The following LCP2 variants were observed in gnomAD, a reference collection of about 807,000 sequenced individuals.
LCP2 encodes the protein 76 kDa tyrosine phosphoprotein.
LCP2 carries 29 observed loss-of-function variants against 74.5 expected under a neutral mutation model. The ratio of observed to expected loss-of-function variants is 0.39; its 90% CI spans 0.29 to 0.53. The LOEUF (loss-of-function observed/expected upper bound fraction) is 0.53. Among genes scored for constraint, LCP2 ranks in the 20% least tolerant of loss-of-function variants. The pLI, the probability that LCP2 is intolerant of heterozygous loss-of-function variation, is 0.72. For synonymous variants in LCP2, 228 were observed against 229.5 expected, an observed-to-expected ratio of 0.99 and a Z score of 0.06; for missense variants, 604 against 634.6, an observed-to-expected ratio of 0.95 and a Z score of 0.52.
chr5:170,252,006 T>C lies in LCP2; in HGVS notation c.1323+428A>G, dbSNP rs934563889. 4.0e-5 allele frequency: 8 copies of C among 200,066 alleles called. No individual in the cohort carries two copies. In the East Asian group the frequency reaches 8.5e-4, roughly 21 times the overall value. The allele number at this position is 200,066 out of a possible 1,614,324, so 12.4% of individuals were successfully genotyped here. A position where few individuals can be genotyped will look rare whatever the true frequency, so the allele number is the denominator to read the frequency against. ...TATTAAAGGACTAGCTAGAAACGTC[T>C]AGGGCAAAAAGCAAAAAGTTGCTGC... On this transcript the variant is annotated intron_variant, in intron 19 of 20. Transcript: ENST00000046794.
rs370362754 is a variant in LCP2, at chr5:170,263,071, C to G, written c.773-79G>C. 93 of 1,522,920 alleles carry G rather than the reference C, an allele frequency of 6.1e-5. 1 individual carries two copies. The highest frequency in any genetic ancestry group is 4.7e-4 in the South Asian group (40 of 85,648). The allele number at this position is 1,522,920 out of a possible 1,614,324, so 94.3% of individuals were successfully genotyped here. A position where few individuals can be genotyped will look rare whatever the true frequency, so the allele number is the denominator to read the frequency against. ...GGTTTAAAAACACAGTTTGATGAAA[C>G]TATGAGTCTGAACCCTCTTGGGGGT... is the stretch of plus-strand genomic sequence containing the variant. On this transcript the variant is annotated intron_variant, in intron 10 of 20. Transcript: ENST00000046794.
chr5:170,271,511 T>C (rs954738160), intron 6 of LCP2, among the ~76,000 whole-genome samples: 5 of 152,178 alleles, frequency 3.3e-5, no homozygotes, highest in African/African-American at 9.6e-5. Flanking sequence ...ACACATCCAT[T>C]ATTCATGAAA....
At chr5:170,258,749 A>T (rs1761604229) in intron 15 of LCP2, 117 bp downstream of exon 15, 3 of 669,680 alleles carry the variant, frequency 4.5e-6, no homozygotes, top group South Asian at 4.1e-5. Flanking sequence ...CTTAATACTA[A>T]TTTAAGACTT....
chr5:170,267,851 C>T (rs975187284), intron 8 of LCP2, among the ~76,000 whole-genome samples: 2 of 152,282 alleles, frequency 1.3e-5, no homozygotes, highest in South Asian at 2.1e-4. Context: ...AAGCAATATA[C>T]ATCTGTAGAT....
At chr5:170,251,031 G>A (rs537106170) in intron 19 of LCP2, 146 bp from the exon 20 acceptor site, 5 of 610,218 alleles carry the variant, frequency 8.2e-6, no homozygotes, top group African/African-American at 3.7e-5. Context: ...GTCATTCAAC[G>A]AACATTCAGT....
chr5:170,279,842 C>CCCACACTTGA (rs1177498139), intron 3 of LCP2, among the ~76,000 whole-genome samples: 1 of 152,052 alleles, frequency 6.6e-6, no homozygotes, highest in Non-Finnish European at 1.5e-5. Context: ...TTTAATTCTC[C>CCCACACTTGA]CCACACTTGA....
intron 18 of LCP2, 35 bp downstream of exon 18, chr5:170,253,084 G>C (rs1435693506): frequency 7.3e-7 from 1 of 1,373,766 alleles, no homozygotes; most frequent in South Asian, 1.2e-5. Context: ...CCAGGGAAAA[G>C]GCAAACAAAC....
chr5:170,294,757 T>TG (rs937727199), intron 1 of LCP2, among the ~76,000 whole-genome samples: 9 of 152,132 alleles, frequency 5.9e-5, no homozygotes, highest in Non-Finnish European at 1.2e-4. Flanking sequence ...CTACAGGCAG[T>TG]GGGGGGTAAG....
At chr5:170,291,136 G>T (rs1334450295) in intron 2 of LCP2, among the ~76,000 whole-genome samples, 3 of 117,322 alleles carry the variant, frequency 2.6e-5, no homozygotes, top group African/African-American at 9.1e-5. Context: ...GAGAGGGGAG[G>T]ACAAGGGAAG....
intron 1 of LCP2, among the ~76,000 whole-genome samples, chr5:170,295,027 G>C (rs544744127): frequency 6.6e-6 from 1 of 152,318 alleles, no homozygotes; most frequent in East Asian, 1.9e-4. Context: ...ACCTGGATTT[G>C]TAGTAAGGAA....
chr5:170,262,553 G>C lies in LCP2; in HGVS notation c.926+82C>G, dbSNP rs990954336. The C allele has an allele frequency of 6.8e-6, 7 of 1,021,936 alleles. No individual in the cohort carries two copies. In the South Asian group the frequency reaches 1.1e-4, roughly 16 times the overall value. 63.3% of individuals were successfully genotyped at this position (1,021,936 alleles called of 1,614,324 possible). A position where few individuals can be genotyped will look rare whatever the true frequency, so the allele number is the denominator to read the frequency against. On this transcript the variant is annotated intron_variant, in intron 13 of 20. Coordinates refer to ENST00000046794, the MANE Select transcript of LCP2 (RefSeq NM_005565.5). Reference sequence around the variant, plus strand: ...CTGCCCGGGAGCACCGAGGAGCCTCGGTTCCCACTGCAGAGTCAGCACAGG... The same window carrying C: ...CTGCCCGGGAGCACCGAGGAGCCTCCGTTCCCACTGCAGAGTCAGCACAGG...
At position 170,270,801 on chromosome 5, in the gene LCP2, C is replaced by T. The variant is rs369364060; in HGVS notation, c.441G>A (p.Pro147=). The change falls in exon 7 of 21, where the codon CCG becomes CCA. Residue 147 remains proline (P), a synonymous_variant. Transcript: ENST00000046794. The part of the protein sequence containing the change: ...APVEDDADYE[P]PPSNDEEALQ... ...GAGCTTCCTCGTCATTGGAGGGTGG[C>T]GGCTCATAATCCGCGTCATCTTCCA... 41 of 1,610,948 alleles carry T rather than the reference C, an allele frequency of 2.5e-5. No individual in the cohort carries two copies. The African/African-American group carries it at 4.0e-4, about 16-fold the overall frequency.
intron 2 of LCP2, among the ~76,000 whole-genome samples, chr5:170,289,947 TGAGG>T (rs1475924791): frequency 6.6e-6 from 1 of 151,922 alleles, no homozygotes; most frequent in Non-Finnish European, 1.5e-5. Flanking sequence ...GGGCGTAAGC[TGAGG>T]GAATTTCAGG....
intron 3 of LCP2, among the ~76,000 whole-genome samples, chr5:170,284,681 C>T (rs1259892078): frequency 6.6e-6 from 1 of 151,694 alleles, no homozygotes; most frequent in African/African-American, 2.4e-5. Flanking sequence ...CTCACATACA[C>T]ATTCTTTCCT....
rs997760652 is a variant in LCP2 at position 170,270,009 on chromosome 5, G to C, written c.523+710C>G. Among the ~76,000 whole-genome samples, 13 of 152,178 alleles carry C rather than the reference G, an allele frequency of 8.5e-5. No homozygotes were observed. In the South Asian group the frequency reaches 1.7e-3, roughly 19 times the overall value. On this transcript the variant is annotated intron_variant, in intron 7 of 20. Coordinates refer to ENST00000046794, the MANE Select transcript of LCP2 (RefSeq NM_005565.5). Reference sequence around the variant, plus strand: ...AATGGTATTCGTTTTTTGTGGTACTGACCTTCAATTTTCAGCGTACTCTCT... The same window carrying C: ...AATGGTATTCGTTTTTTGTGGTACTCACCTTCAATTTTCAGCGTACTCTCT...
intron 16 of LCP2, 30 bp downstream of exon 16, chr5:170,258,007 A>G: frequency 6.2e-7 from 1 of 1,609,430 alleles, no homozygotes; most frequent in South Asian, 1.1e-5. Context: ...ACATTATATT[A>G]AGCTAGAATT....
chr5:170,296,615 G>A (rs191656086), intron 1 of LCP2, among the ~76,000 whole-genome samples: 58 of 152,322 alleles, frequency 3.8e-4, no homozygotes, highest in African/African-American at 1.3e-3. Context: ...AAGCTTAACC[G>A]TCTCGCACAA....
chr5:170,262,594 G>A lies in LCP2; in HGVS notation c.926+41C>T, dbSNP rs1277838090. The stretch of plus-strand genomic sequence containing the variant: ...TCAGCACAGGGCAGCCTGTCTGCCG[G>A]CCACTGTGAGTGACAAGCTCAAGCA... On this transcript the variant is annotated intron_variant, in intron 13 of 20. Coordinates refer to ENST00000046794, the MANE Select transcript of LCP2 (RefSeq NM_005565.5). 2.7e-6 allele frequency: 4 copies of A among 1,470,196 alleles called. No individual in the cohort carries two copies. The Admixed American group carries it at 7.3e-5, about 27-fold the overall frequency. The allele number at this position is 1,470,196 out of a possible 1,614,324, so 91.1% of individuals were successfully genotyped here. A position where few individuals can be genotyped will look rare whatever the true frequency, so the allele number is the denominator to read the frequency against.
chr5:170,258,226 A>G, intron 15 of LCP2, 60 bp from the exon 16 acceptor site: 1 of 1,581,550 alleles, frequency 6.3e-7, no homozygotes. Context: ...ACTAAGAAAC[A>G]TTCCATAACC....
Sources: allele counts gnomAD v4.1 joint callset (sites outside exome capture counted in the v4.1 genomes callset), GRCh38; gene constraint gnomAD v4.1.1; transcripts MANE v1.5; gene names NCBI Gene and HGNC (gene_info 2026-07-23, HGNC 2026-07-21).